Variants in LPP observed in about 807,000 individuals in gnomAD.
The protein encoded by LPP is LIM domain containing preferred translocation partner in lipoma, also known as lipoma-preferred partner.
A neutral mutation model predicts 60.4 loss-of-function variants in LPP; 38 were observed. That is an observed-to-expected ratio of 0.63 (90% CI 0.49 to 0.83). The LOEUF is 0.83. Ranked by LOEUF, LPP falls within the 40% of genes least tolerant of loss-of-function variation. LPP has a pLI of 0.00. For synonymous variants in LPP, 328 were observed against 290.8 expected (o/e 1.13, Z -1.30); for missense variants, 902 against 783.6 (o/e 1.15, Z -1.80).
intron 4 of LPP, among the ~76,000 whole-genome samples, chr3:188,480,998 C>G (rs1036955388): frequency 2.6e-5 from 4 of 152,140 alleles, no homozygotes; most frequent in African/African-American, 9.7e-5. Context: ...TTTTCATTTT[C>G]CCATTTTTCT....
At chr3:188,700,378 A>G (rs140195411) in intron 7 of LPP, among the ~76,000 whole-genome samples, 1 of 152,170 alleles carries the variant, frequency 6.6e-6, no homozygotes. Flanking sequence ...TGACATTGCG[A>G]CAGATAGTGG....
At chr3:188,666,091 A>C (rs1855740144) in intron 7 of LPP, among the ~76,000 whole-genome samples, 1 of 152,216 alleles carries the variant, frequency 6.6e-6, no homozygotes, top group Non-Finnish European at 1.5e-5. Context: ...TACTAATATC[A>C]AGGACTGGCC....
chr3:188,484,610 C>G lies in LPP; in HGVS notation c.212C>G (p.Pro71Arg). 6.2e-7 allele frequency: 1 copy of G among 1,613,400 alleles called. No individual in the cohort carries two copies. The highest frequency in any genetic ancestry group is 8.5e-7 in the Non-Finnish European group (1 of 1,179,524). ...PGGEGDFLPP[P>R]PPPLDDSSAL... ...TCTGTAGGTGATTTTCTTCCACCCC[C>G]ACCTCCACCTCTAGATGATTCCAGT... Residue 71 changes from proline to arginine, a missense_variant, in exon 5 of 12, where the codon CCA (proline) becomes CGA (arginine). By Grantham distance (103) the Pro-to-Arg change is moderately radical. Transcript: ENST00000617246.
chr3:188,286,841 A>G (rs1474909938), intron 2 of LPP, among the ~76,000 whole-genome samples: 1 of 152,166 alleles, frequency 6.6e-6, no homozygotes, highest in African/African-American at 2.4e-5. Flanking sequence ...GGACACATTA[A>G]TAGTAAGAGG....
At chr3:188,810,589 T>G (rs1395769227) in intron 9 of LPP, among the ~76,000 whole-genome samples, 1 of 152,178 alleles carries the variant, frequency 6.6e-6, no homozygotes, top group African/African-American at 2.4e-5. Context: ...AATTTATAAA[T>G]TATACTTTAT....
intron 7 of LPP, among the ~76,000 whole-genome samples, chr3:188,668,787 C>A (rs1029226151): frequency 6.6e-6 from 1 of 152,188 alleles, no homozygotes; most frequent in Non-Finnish European, 1.5e-5. Flanking sequence ...ATATCAGGAG[C>A]AGCAGTATGT....
chr3:188,615,979 G>A (rs1441559356), intron 7 of LPP, among the ~76,000 whole-genome samples: 1 of 152,056 alleles, frequency 6.6e-6, no homozygotes, highest in Admixed American at 6.5e-5. Context: ...GTATATTCTC[G>A]ATATTAGACC....
chr3:188,452,515 G>A (rs1452203902), intron 4 of LPP, among the ~76,000 whole-genome samples: 1 of 152,144 alleles, frequency 6.6e-6, no homozygotes, highest in Non-Finnish European at 1.5e-5. Flanking sequence ...GGATGATAGA[G>A]TCCTCTTCTT....
intron 2 of LPP, chr3:188,240,054 T>G (rs570231978): frequency 5.1e-6 from 1 of 197,454 alleles, no homozygotes. Context: ...CTTGAGCACC[T>G]AGATCTCTGG....
At chr3:188,529,535 C>A (rs1821573918) in intron 6 of LPP, among the ~76,000 whole-genome samples, 1 of 152,208 alleles carries the variant, frequency 6.6e-6, no homozygotes, top group South Asian at 2.1e-4. Flanking sequence ...GAGCTCCATT[C>A]TCAAAACAAG....
intron 3 of LPP, among the ~76,000 whole-genome samples, chr3:188,368,071 T>C (rs1041305099): frequency 6.6e-6 from 1 of 152,190 alleles, no homozygotes; most frequent in African/African-American, 2.4e-5. Flanking sequence ...GATCAAACAG[T>C]TTTGAAATGA....
intron 1 of LPP, among the ~76,000 whole-genome samples, chr3:188,211,383 C>T (rs1333665693): frequency 6.6e-6 from 1 of 152,146 alleles, no homozygotes; most frequent in Non-Finnish European, 1.5e-5. Flanking sequence ...AAGGACTCAT[C>T]TGACCTCCAG....
chr3:188,799,040 G>A (rs981467803), intron 9 of LPP, among the ~76,000 whole-genome samples: 3 of 152,322 alleles, frequency 2.0e-5, no homozygotes, highest in East Asian at 3.9e-4. Context: ...TCTTCAGTGT[G>A]AGCCAAATCT....
intron 2 of LPP, among the ~76,000 whole-genome samples, chr3:188,310,256 G>A (rs1578016278): frequency 6.7e-6 from 1 of 149,390 alleles, no homozygotes; most frequent in African/African-American, 2.5e-5. Context: ...GACTGACGAA[G>A]TTGGCCTTTT....
chr3:188,524,917 T>TG lies in LPP; in HGVS notation c.429+130_429+131insG, dbSNP rs1560518866. The TG allele has an allele frequency of 4.1e-5, 26 of 639,792 alleles. 1 individual carries two copies. Among genetic ancestry groups the TG allele is most frequent in the East Asian group, 2.2e-4 (7 of 32,372 alleles). The allele number at this position is 639,792 out of a possible 1,614,324, so 39.6% of individuals were successfully genotyped here. Reference sequence around the variant, plus strand: ...CGTCCGTCCTTCCTTCCTTCCTTCCTTCCTTCCTTCCTTCCTTCCTTCCTT... The same window carrying TG: ...CGTCCGTCCTTCCTTCCTTCCTTCCTGTCCTTCCTTCCTTCCTTCCTTCCTT... On this transcript the variant is annotated intron_variant, in intron 6 of 11. Transcript: ENST00000617246.
chr3:188,562,173 T>G (rs1433942802), intron 6 of LPP: 5 of 152,020 alleles, frequency 3.3e-5, no homozygotes, highest in East Asian at 1.9e-4. Context: ...AGCAAAGAGA[T>G]AAATTGTCAA....
intron 6 of LPP, among the ~76,000 whole-genome samples, chr3:188,560,410 C>G (rs947503211): frequency 2.0e-5 from 3 of 152,090 alleles, no homozygotes; most frequent in African/African-American, 7.2e-5. Flanking sequence ...ATGTCAATGT[C>G]CTTATCTGTT....
At chr3:188,490,833 C>T (rs1268983445) in intron 5 of LPP, among the ~76,000 whole-genome samples, 1 of 138,536 alleles carries the variant, frequency 7.2e-6, no homozygotes, top group Non-Finnish European at 1.5e-5. Context: ...TGGCTCACTG[C>T]AAGCTCTACC....
chr3:188,204,453 C>G (rs9854900), intron 1 of LPP, among the ~76,000 whole-genome samples: 9,488 of 152,042 alleles, frequency 0.062, 342 homozygotes, highest in South Asian at 0.13. Flanking sequence ...ATTGGAGTAG[C>G]GGGGGGTGAT....
Sources: allele counts gnomAD v4.1 joint callset (sites outside exome capture counted in the v4.1 genomes callset), GRCh38; gene constraint gnomAD v4.1.1; transcripts MANE v1.5; gene names NCBI Gene and HGNC (gene_info 2026-07-23, HGNC 2026-07-21).